SCTR: variants seen among roughly 807,000 people sequenced by gnomAD.
The protein encoded by SCTR is secretin receptor.
SCTR carries 56 observed loss-of-function variants against 60.8 expected under a neutral mutation model. That is an observed-to-expected ratio of 0.92 (90% confidence interval 0.74 to 1.15). The LOEUF (loss-of-function observed/expected upper bound fraction) is 1.15. Among genes scored for constraint, SCTR ranks in the 50% most tolerant of loss-of-function variants. SCTR has a pLI of 0.00. For synonymous variants in SCTR, 202 were observed against 217.0 expected (o/e 0.93, Z 0.61); for missense variants, 562 against 550.4 (o/e 1.02, Z -0.21).
chr2:119,523,271 T>C lies in SCTR; in HGVS notation c.72+884A>G, dbSNP rs905518586. Among the ~76,000 whole-genome samples, 66 of 151,472 alleles carry C rather than the reference T, an allele frequency of 4.4e-4. 1 individual carries two copies. Among genetic ancestry groups the C allele is most frequent in the African/African-American group, 1.5e-3 (63 of 41,366 alleles). On this transcript the variant is annotated intron_variant, in intron 1 of 12. Transcript: ENST00000019103. ...ACCTCTAACCCCCACTCCCTCCCCA[T>C]TCCTTCCTTTCTGCTGGTCTGGGTG...
intron 1 of SCTR, among the ~76,000 whole-genome samples, chr2:119,520,499 G>T (rs547303493): frequency 6.6e-5 from 10 of 152,180 alleles, no homozygotes; most frequent in Non-Finnish European, 1.3e-4. Context: ...TACCAGCTCT[G>T]CAGGCAACGC....
chr2:119,454,025 AT>A (rs1379362602), intron 7 of SCTR, among the ~76,000 whole-genome samples: 2 of 152,176 alleles, frequency 1.3e-5, no homozygotes, highest in Non-Finnish European at 2.9e-5. Context: ...AGAAATAGAA[AT>A]GGTAAAAGCC....
chr2:119,464,153 T>C lies in SCTR; in HGVS notation c.606A>G (p.Ser202=), dbSNP rs1341477713. ...GGGCATCGCAGTAGGTGACATCATC[T>C]GAGGAGAAGAGCACGGCGTCCTTGA... The part of the protein sequence containing the change: ...NFIKDAVLFS[S]DDVTYCDAHR... Residue 202 remains serine, a synonymous_variant, in exon 6 of 13, where the codon TCA becomes TCG. Coordinates refer to ENST00000019103, the MANE Select transcript of SCTR (RefSeq NM_002980.3). 6 of 1,614,188 alleles carry C rather than the reference T, an allele frequency of 3.7e-6. No homozygotes were observed. In the South Asian group the frequency reaches 6.6e-5, roughly 18 times the overall value.
intron 1 of SCTR, among the ~76,000 whole-genome samples, chr2:119,502,564 G>GT (rs200788324): frequency 1.7e-4 from 25 of 151,228 alleles, no homozygotes; most frequent in South Asian, 1.3e-3. Context: ...TAAAAGAGGT[G>GT]TTTTTTTTTA....
chr2:119,456,564 A>G (rs1263995152), intron 7 of SCTR, among the ~76,000 whole-genome samples: 1 of 152,124 alleles, frequency 6.6e-6, no homozygotes, highest in Non-Finnish European at 1.5e-5. Context: ...AAGAAGGTGA[A>G]AGCTAAGGGA....
chr2:119,475,384 C>T (rs1442660449), intron 3 of SCTR, among the ~76,000 whole-genome samples: 1 of 152,134 alleles, frequency 6.6e-6, no homozygotes, highest in African/African-American at 2.4e-5. Flanking sequence ...GGGGCCCTCT[C>T]CTCACTGACA....
At chr2:119,508,383 C>CT (rs34070844) in intron 1 of SCTR, among the ~76,000 whole-genome samples, 2,176 of 77,478 alleles carry the variant, frequency 0.028, 79 homozygotes, top group Non-Finnish European at 0.032. Flanking sequence ...TCTTCTTCTT[C>CT]TTTTTTTTTT....
At chr2:119,464,055 C>T in intron 6 of SCTR, 68 bp downstream of exon 6, 1 of 1,551,060 alleles carries the variant, frequency 6.4e-7, no homozygotes, top group Non-Finnish European at 8.9e-7. Flanking sequence ...AGGCTACTCC[C>T]CTCTCCAAAG....
rs748618392 is a variant in SCTR, at chr2:119,452,072, C to G, written c.859G>C (p.Asp287His). The G allele has an allele frequency of 6.2e-6, 10 of 1,603,460 alleles. No individual in the cohort carries two copies. In the East Asian group the frequency reaches 2.2e-4, roughly 36 times the overall value. ...CAGATGGATGCGTTGGCATTGATGTCCCAGCACCTAAGGGAGGGACAGCTG... is the reference window on the plus strand; with the variant it reads ...CAGATGGATGCGTTGGCATTGATGTGCCAGCACCTAAGGGAGGGACAGCTG... ...RHFLEDVGCW[D>H]INANASIWWI... Residue 287 changes from aspartate to histidine, a missense_variant, in exon 9 of 13, where the codon GAC becomes CAC. Physicochemically the swap from Asp to His is moderately conservative, Grantham distance 81 (BLOSUM62 -1). Coordinates refer to ENST00000019103, the MANE Select transcript of SCTR (RefSeq NM_002980.3).
At chr2:119,474,518 G>T (rs1230541242) in intron 3 of SCTR, among the ~76,000 whole-genome samples, 1 of 152,232 alleles carries the variant, frequency 6.6e-6, no homozygotes, top group African/African-American at 2.4e-5. Flanking sequence ...GCTCAGGCCG[G>T]TGTAAGTGTT....
chr2:119,453,218 G>T, intron 8 of SCTR, 69 bp downstream of exon 8: 1 of 1,230,262 alleles, frequency 8.1e-7, no homozygotes, highest in Non-Finnish European at 1.2e-6. Context: ...CTCCAAAGAA[G>T]TAACTATGCT....
chr2:119,520,927 G>T (rs1416959780), intron 1 of SCTR, among the ~76,000 whole-genome samples: 1 of 152,158 alleles, frequency 6.6e-6, no homozygotes, highest in African/African-American at 2.4e-5. Flanking sequence ...TCAAGCAGGG[G>T]CGATTTTGCC....
intron 1 of SCTR, among the ~76,000 whole-genome samples, chr2:119,509,302 A>G (rs1267100379): frequency 6.6e-6 from 1 of 152,176 alleles, no homozygotes; most frequent in African/African-American, 2.4e-5. Flanking sequence ...AGGGAAATAA[A>G]CACTTATTGC....
intron 1 of SCTR, among the ~76,000 whole-genome samples, chr2:119,497,625 C>A (rs76618269): frequency 2.2e-5 from 3 of 135,338 alleles, no homozygotes; most frequent in African/African-American, 7.5e-5. Context: ...GGCAGGAAGG[C>A]AGGCAGGCAG....
chr2:119,446,660 G>C (rs1682939476), intron 11 of SCTR, 99 bp downstream of exon 11: 1 of 1,193,676 alleles, frequency 8.4e-7, no homozygotes, highest in Non-Finnish European at 1.1e-6. Context: ...GTCTCTGCCA[G>C]ATAAGGCATC....
At chr2:119,484,113 A>T (rs920908045) in intron 2 of SCTR, among the ~76,000 whole-genome samples, 1 of 152,078 alleles carries the variant, frequency 6.6e-6, no homozygotes, top group Admixed American at 6.5e-5. Context: ...TCACTGCCTG[A>T]CTTGGGGGTA....
chr2:119,480,703 T>C (rs1029745000), intron 2 of SCTR: 9 of 152,260 alleles, frequency 5.9e-5, no homozygotes, highest in Admixed American at 5.2e-4. Context: ...TCTCCCAAAG[T>C]TGATCCAAGG....
intron 4 of SCTR, 150 bp from the exon 5 acceptor site, chr2:119,466,036 C>A: frequency 1.6e-6 from 1 of 608,786 alleles, no homozygotes; most frequent in Non-Finnish European, 3.0e-6. Flanking sequence ...CACATAACAC[C>A]GTAACATCCT....
At chr2:119,523,389 CCGCTAT>C (rs1188842487) in intron 1 of SCTR, among the ~76,000 whole-genome samples, 138 of 141,260 alleles carry the variant, frequency 9.8e-4, no homozygotes, top group African/African-American at 3.5e-3. Flanking sequence ...ACCCATCCTG[CCGCTAT>C]TATTATTATT....
Sources: gnomAD v4.1 joint callset for allele counts (sites outside exome capture counted in the v4.1 genomes callset) on GRCh38, gnomAD v4.1.1 for gene constraint, MANE v1.5 for transcripts, NCBI Gene and HGNC (gene_info 2026-07-23, HGNC 2026-07-21) for gene names.